The following FRYL variants were observed in gnomAD, a reference collection of about 807,000 sequenced individuals.
The protein encoded by FRYL is FRY like transcription coactivator.
FRYL carries 150 observed loss-of-function variants against 351.2 expected under a neutral mutation model. The ratio of observed to expected loss-of-function variants is 0.43; its 90% CI spans 0.37 to 0.49. FRYL has a LOEUF of 0.49. Among genes scored for constraint, FRYL ranks in the 20% least tolerant of loss-of-function variants. The pLI is 0.00. For missense variants in FRYL, 3,036 were observed against 3,619.3 expected (o/e 0.84, Z 4.13); for synonymous variants, 1,153 against 1,257.1 (o/e 0.92, Z 1.75).
chr4:48,594,513 G>GA (rs1486049811), intron 15 of FRYL, among the ~76,000 whole-genome samples: 1 of 151,920 alleles, frequency 6.6e-6, no homozygotes, highest in African/African-American at 2.4e-5. Context: ...TACAATTCTG[G>GA]AAAAAAAGAA....
chr4:48,640,065 C>T (rs779000121), intron 3 of FRYL, among the ~76,000 whole-genome samples: 1 of 152,058 alleles, frequency 6.6e-6, no homozygotes, highest in Non-Finnish European at 1.5e-5. Context: ...GATGGGAATG[C>T]AAAATACTAC....
chr4:48,741,368 A>T (rs1772043966), intron 1 of FRYL, among the ~76,000 whole-genome samples: 1 of 151,858 alleles, frequency 6.6e-6, no homozygotes, highest in Non-Finnish European at 1.5e-5. Context: ...GTGAAACCCC[A>T]TCTCTACTAA....
At chr4:48,648,109 T>G (rs1454697308) in intron 3 of FRYL, among the ~76,000 whole-genome samples, 2 of 152,214 alleles carry the variant, frequency 1.3e-5, no homozygotes, top group African/African-American at 4.8e-5. Flanking sequence ...TATTATATAC[T>G]TGTTTGCTAA....
Position 48,535,801 on chromosome 4 carries a change from T to C in FRYL, c.6420A>G (p.Thr2140=), listed in dbSNP as rs770759370. 1.3e-6 allele frequency: 2 copies of C among 1,549,836 alleles called. No homozygotes were observed. The highest frequency in any genetic ancestry group is 4.6e-5 in the East Asian group (2 of 43,050). ...TCATCATGTGTGCCAGATTGACAAG[T>C]GTTGGGCATTTTTCTTCTGCACAAA... ...AKVCAEEKCP[T]LVNLAHMMSL... The change falls in exon 48 of 64, where the codon ACA becomes ACG. Residue 2140 remains threonine, a synonymous_variant. Coordinates refer to ENST00000358350, the MANE Select transcript of FRYL (RefSeq NM_015030.2).
intron 8 of FRYL, among the ~76,000 whole-genome samples, chr4:48,609,536 C>G (rs1448166201): frequency 6.6e-6 from 1 of 151,788 alleles, no homozygotes; most frequent in Non-Finnish European, 1.5e-5. Flanking sequence ...TTGGGAGGAT[C>G]ACTTGAGCCC....
chr4:48,592,113 T>G lies in FRYL; in HGVS notation c.1336-1283A>C, dbSNP rs1218123098. 2.4e-4 allele frequency among the ~76,000 whole-genome samples: 30 copies of G among 124,380 alleles called. 1 individual carries two copies. Among genetic ancestry groups the G allele is most frequent in the Non-Finnish European group, 3.8e-4 (22 of 57,366 alleles). 81.6% of individuals were successfully genotyped at this position (124,380 alleles called of 152,430 possible). On this transcript the variant is annotated intron_variant, in intron 16 of 63. Coordinates refer to ENST00000358350, the MANE Select transcript of FRYL (RefSeq NM_015030.2). The stretch of plus-strand genomic sequence containing the variant: ...ATATATATATATATATATATATATA[T>G]ATTTTATCTAAGTAAGATTAAAAGT...
At chr4:48,544,180 C>T (rs1418817237) in intron 43 of FRYL, among the ~76,000 whole-genome samples, 183 bp from the exon 44 acceptor site, 2 of 152,150 alleles carry the variant, frequency 1.3e-5, no homozygotes, top group East Asian at 1.9e-4. Context: ...TTAATCTTTA[C>T]GGAAGCAATC....
At chr4:48,718,473 G>T (rs981606382) in intron 1 of FRYL, among the ~76,000 whole-genome samples, 2 of 151,482 alleles carry the variant, frequency 1.3e-5, no homozygotes, top group African/African-American at 4.8e-5. Context: ...TTGTTTAAGA[G>T]AACTTCTACT....
At chr4:48,679,543 G>A (rs1764294198) in intron 3 of FRYL, among the ~76,000 whole-genome samples, 1 of 151,984 alleles carries the variant, frequency 6.6e-6, no homozygotes, top group African/African-American at 2.4e-5. Flanking sequence ...AGGGCAGGGG[G>A]AAGGTGGGGG....
chr4:48,609,061 T>C lies in FRYL; in HGVS notation c.498A>G (p.Ser166=). ...TATGCACATTCCCAGTGTTGGTTCC[T>C]GAATATCTAAAATAACAAAAGAACA... ...FKHFKHKEGY[S]GTNTGNVHII... Residue 166 remains serine, a synonymous_variant, in exon 9 of 64, where the codon TCA becomes TCG. Coordinates refer to ENST00000358350, the MANE Select transcript of FRYL (RefSeq NM_015030.2). 1.3e-6 allele frequency: 2 copies of C among 1,585,188 alleles called. No individual in the cohort carries two copies. The highest frequency in any genetic ancestry group is 3.3e-4 in the Middle Eastern group (2 of 5,994).
chr4:48,744,449 T>C (rs1772445691), intron 1 of FRYL, among the ~76,000 whole-genome samples: 1 of 152,162 alleles, frequency 6.6e-6, no homozygotes, highest in African/African-American at 2.4e-5. Context: ...TAAATTAATA[T>C]TTACTCTTTC....
At chr4:48,667,741 A>G (rs557816252) in intron 3 of FRYL, among the ~76,000 whole-genome samples, 4 of 152,178 alleles carry the variant, frequency 2.6e-5, no homozygotes, top group African/African-American at 9.6e-5. Flanking sequence ...TCCGCCTCCC[A>G]GGTTCAAGCA....
Position 48,634,419 on chromosome 4 carries a change from T to G in FRYL, c.-9A>C. 1 of 1,612,720 alleles carries G rather than the reference T, an allele frequency of 6.2e-7. No homozygotes were observed. Among genetic ancestry groups the G allele is most frequent in the Non-Finnish European group, 8.5e-7 (1 of 1,179,004 alleles). ...ATCGTAATGTTTGACATGATGATATTTTTTTTTCCCCAAGTGGAATGAAAG... is the reference window on the plus strand; with the variant it reads ...ATCGTAATGTTTGACATGATGATATGTTTTTTTCCCCAAGTGGAATGAAAG... On this transcript the variant is annotated 5_prime_UTR_variant, in exon 4 of 64. Coordinates refer to ENST00000358350, the MANE Select transcript of FRYL (RefSeq NM_015030.2).
At position 48,564,024 on chromosome 4, in the gene FRYL, C is replaced by A; in HGVS notation, c.3520G>T (p.Val1174Leu). 1 of 1,614,208 alleles carries A rather than the reference C, an allele frequency of 6.2e-7. No homozygotes were observed. ...CCGGAGCCCGTGTAGCAGCGGTCCA[C>A]AGCCCAGTACATCAGGTTGCTCTGA... ...PDQSNLMYWA[V>L]DRCYTGSGRV... is the part of the protein sequence containing the mutation. Residue 1174 changes from valine (V) to leucine (L), a missense_variant, in exon 31 of 64, where the codon GTG (valine) becomes TTG (leucine). Val to Leu is a conservative substitution (Grantham distance 32). Coordinates refer to ENST00000358350, the MANE Select transcript of FRYL (RefSeq NM_015030.2).
intron 26 of FRYL, chr4:48,571,879 GTTTA>G: frequency 1.0e-6 from 1 of 985,120 alleles, no homozygotes; most frequent in Non-Finnish European, 1.2e-6. Context: ...CACTGCATGT[GTTTA>G]ATAGCATTCC....
intron 9 of FRYL, among the ~76,000 whole-genome samples, chr4:48,607,290 TA>T (rs1747051771): frequency 6.6e-6 from 1 of 152,246 alleles, no homozygotes; most frequent in Admixed American, 6.5e-5. Flanking sequence ...GCCAGTTCCT[TA>T]AAGTTAAAAT....
chr4:48,579,764 A>T (rs1740463652), intron 22 of FRYL, among the ~76,000 whole-genome samples: 2 of 152,294 alleles, frequency 1.3e-5, no homozygotes, highest in Middle Eastern at 6.8e-3. Flanking sequence ...CAAGTCATCC[A>T]TTACTCTCTT....
chr4:48,696,593 TA>T (rs1264146953), intron 2 of FRYL, among the ~76,000 whole-genome samples: 2 of 151,986 alleles, frequency 1.3e-5, no homozygotes, highest in African/African-American at 4.8e-5. Context: ...GCTTAAAACC[TA>T]AATGATGGGG....
intron 25 of FRYL, 37 bp downstream of exon 25, chr4:48,575,080 C>G: frequency 6.2e-7 from 1 of 1,608,394 alleles, no homozygotes; most frequent in Non-Finnish European, 8.5e-7. Context: ...CACATTTATT[C>G]TTTTAGGACA....
Sources: gnomAD v4.1 joint callset for allele counts (sites outside exome capture counted in the v4.1 genomes callset) on GRCh38, gnomAD v4.1.1 for gene constraint, MANE v1.5 for transcripts, NCBI Gene and HGNC (gene_info 2026-07-23, HGNC 2026-07-21) for gene names.